The following RASGRP3 variants were observed in gnomAD, a reference collection of about 807,000 sequenced individuals.
RASGRP3 encodes the protein ras guanyl-releasing protein 3.
A neutral mutation model predicts 82.7 loss-of-function variants in RASGRP3; 54 were observed. The ratio of observed to expected loss-of-function variants is 0.65; its 90% CI spans 0.52 to 0.82. The LOEUF is 0.82. RASGRP3 is among the 40% of genes least tolerant of loss of function. The pLI, the probability that RASGRP3 is intolerant of heterozygous loss-of-function variation, is 0.00. For missense variants in RASGRP3, 861 were observed against 828.9 expected (o/e 1.04, Z -0.48); for synonymous variants, 309 against 300.5 (o/e 1.03, Z -0.29).
rs140703207 is a variant in RASGRP3 at position 33,485,768 on chromosome 2, A to G, written c.-261+9061A>G. 3.4e-3 allele frequency among the ~76,000 whole-genome samples: 516 copies of G among 152,284 alleles called. 1 individual carries two copies. The highest frequency in any genetic ancestry group is 0.012 in the African/African-American group (482 of 41,552). ...CTATTTTAATTCTTTATGTTTTTAG[A>G]AGGAATATTGCTTTCAACCTCTCTT... On this transcript the variant is annotated intron_variant, in intron 1 of 17. Coordinates refer to ENST00000403687, the MANE Select transcript of RASGRP3 (RefSeq NM_001139488.2).
chr2:33,527,211 C>T lies in RASGRP3; in HGVS notation c.882C>T (p.Cys294=), dbSNP rs375688195. The change falls in exon 10 of 18, where the codon TGC becomes TGT. Residue 294 remains cysteine (C), a synonymous_variant. Coordinates refer to ENST00000403687, the MANE Select transcript of RASGRP3 (RefSeq NM_001139488.2). The part of the protein sequence containing the change: ...YCNYRKAFAD[C]DGFKIPILGV... ...ATTACCGCAAGGCCTTTGCCGACTG[C>T]GATGGCTTCAAAATCCCCATCCTTG... is the stretch of plus-strand genomic sequence containing the variant. The T allele has an allele frequency of 3.7e-5, 60 of 1,613,888 alleles. No homozygotes were observed. In the South Asian group the frequency reaches 5.6e-4, roughly 15 times the overall value.
In RASGRP3 at chr2:33,521,934, G is replaced by A. The variant is rs116121696; in HGVS notation, c.369-21G>A. 3,138 of 1,595,664 alleles carry A rather than the reference G, an allele frequency of 2.0e-3. 51 individuals carry two copies. In the African/African-American group the frequency reaches 0.037, roughly 19 times the overall value. ...GAAATGGGCTTTCAACACATTGACCGGACTCACTCTTCTTTTATAGTCCTT... is the reference window on the plus strand; with the variant it reads ...GAAATGGGCTTTCAACACATTGACCAGACTCACTCTTCTTTTATAGTCCTT... On this transcript the variant is annotated intron_variant, in intron 6 of 17. Transcript: ENST00000403687.
intron 14 of RASGRP3, 46 bp downstream of exon 14, chr2:33,549,797 T>C: frequency 1.3e-6 from 2 of 1,565,670 alleles, no homozygotes; most frequent in East Asian, 2.3e-5. Flanking sequence ...GTTATTTGTG[T>C]GGCATTCTGA....
intron 2 of RASGRP3, among the ~76,000 whole-genome samples, chr2:33,470,380 A>ATT (rs34404371): frequency 1.5e-5 from 2 of 132,220 alleles, no homozygotes; most frequent in African/African-American, 5.7e-5. Context: ...ATAACTAAGA[A>ATT]TTTTTTTTTT....
chr2:33,452,291 A>G (rs1665842765), intron 2 of RASGRP3, among the ~76,000 whole-genome samples: 1 of 152,034 alleles, frequency 6.6e-6, no homozygotes, highest in South Asian at 2.1e-4. Context: ...ATTATTCACT[A>G]TCTTTGTGGC....
chr2:33,490,769 C>G (rs146365968), intron 1 of RASGRP3, among the ~76,000 whole-genome samples: 1 of 152,324 alleles, frequency 6.6e-6, no homozygotes, highest in Non-Finnish European at 1.5e-5. Context: ...AATTGCATCT[C>G]AGATCTTTCC....
intron 2 of RASGRP3, among the ~76,000 whole-genome samples, chr2:33,469,148 C>A (rs941829478): frequency 4.7e-5 from 7 of 148,790 alleles, no homozygotes; most frequent in African/African-American, 1.5e-4. Flanking sequence ...ATGTTTCTTC[C>A]CTTGTGAACT....
At chr2:33,468,740 T>A (rs1171811042) in intron 2 of RASGRP3, among the ~76,000 whole-genome samples, 1 of 152,166 alleles carries the variant, frequency 6.6e-6, no homozygotes, top group African/African-American at 2.4e-5. Flanking sequence ...CCATATCTTA[T>A]GAATATGTTC....
At chr2:33,530,765 A>T (rs1558493282) in intron 10 of RASGRP3, 1 of 152,298 alleles carries the variant, frequency 6.6e-6, no homozygotes, top group East Asian at 1.9e-4. Context: ...CATTTTTGTC[A>T]TTGTATCCTT....
At chr2:33,519,444 G>A (rs1034849406) in intron 4 of RASGRP3, among the ~76,000 whole-genome samples, 14 of 152,028 alleles carry the variant, frequency 9.2e-5, no homozygotes, top group South Asian at 2.1e-4. Flanking sequence ...GCGAAACCCC[G>A]TCTCTACTAA....
intron 1 of RASGRP3, among the ~76,000 whole-genome samples, chr2:33,480,552 G>A (rs907995948): frequency 3.9e-5 from 6 of 152,152 alleles, no homozygotes; most frequent in South Asian, 2.1e-4. Flanking sequence ...TCAGAATCAC[G>A]ACAGAGTCCA....
chr2:33,450,900 T>G (rs1157740974), intron 2 of RASGRP3, among the ~76,000 whole-genome samples: 1 of 137,814 alleles, frequency 7.3e-6, no homozygotes. Flanking sequence ...TGTAGTGGCA[T>G]GATCTCGGCT....
chr2:33,516,801 T>C, intron 4 of RASGRP3, 157 bp downstream of exon 4: 1 of 521,428 alleles, frequency 1.9e-6, no homozygotes, highest in East Asian at 3.1e-5. Flanking sequence ...AAAACACATC[T>C]GGATGATAGA....
chr2:33,487,876 G>A (rs982486170), intron 1 of RASGRP3, among the ~76,000 whole-genome samples: 1 of 152,198 alleles, frequency 6.6e-6, no homozygotes, highest in African/African-American at 2.4e-5. Flanking sequence ...GAAGCAGGAG[G>A]ATCACTTGAG....
intron 1 of RASGRP3, among the ~76,000 whole-genome samples, chr2:33,493,329 A>C (rs1406445679): frequency 6.6e-6 from 1 of 152,196 alleles, no homozygotes; most frequent in African/African-American, 2.4e-5. Context: ...GGACAACAAC[A>C]GTGAGAGGTG....
At chr2:33,467,208 C>T (rs1311870262) in intron 2 of RASGRP3, among the ~76,000 whole-genome samples, 2 of 152,110 alleles carry the variant, frequency 1.3e-5, no homozygotes, top group South Asian at 4.1e-4. Context: ...GCACATTGAA[C>T]ACCGGCACTA....
chr2:33,540,838 T>C (rs1338754037), intron 12 of RASGRP3, among the ~76,000 whole-genome samples: 1 of 140,048 alleles, frequency 7.1e-6, no homozygotes, highest in Non-Finnish European at 1.6e-5. Flanking sequence ...ATTTTTATTA[T>C]GGCTAAGTAA....
intron 2 of RASGRP3, among the ~76,000 whole-genome samples, chr2:33,468,862 A>G (rs1574266568): frequency 6.6e-6 from 1 of 152,178 alleles, no homozygotes; most frequent in Non-Finnish European, 1.5e-5. Flanking sequence ...TTTTCTTAGG[A>G]TATATTTCTA....
intron 5 of RASGRP3, among the ~76,000 whole-genome samples, chr2:33,520,304 G>A (rs1422217542): frequency 6.6e-6 from 1 of 152,158 alleles, no homozygotes; most frequent in Non-Finnish European, 1.5e-5. Context: ...TACTCACCAT[G>A]AATTGAAGGA....
Sources: allele counts gnomAD v4.1 joint callset (sites outside exome capture counted in the v4.1 genomes callset), GRCh38; gene constraint gnomAD v4.1.1; transcripts MANE v1.5; gene names NCBI Gene and HGNC (gene_info 2026-07-23, HGNC 2026-07-21).